The following COX19 variants were observed in gnomAD, a reference collection of about 807,000 sequenced individuals.
COX19 encodes the protein cytochrome c oxidase assembly factor COX19, also known as cytochrome c oxidase assembly protein COX19.
A neutral mutation model predicts 6.8 loss-of-function variants in COX19; 8 were observed. The observed-to-expected ratio is 1.18, with a 90% CI of 0.69 to 2.12. COX19 has a LOEUF of 2.12. COX19 is among the 30% of genes most tolerant of loss of function. COX19 has a pLI of 0.00. For missense variants in COX19, 131 were observed against 104.6 expected (o/e 1.25, Z -1.10); for synonymous variants, 51 against 38.0 (o/e 1.34, Z -1.26).
intron 1 of COX19, 141 bp from the exon 2 acceptor site, chr7:973,433 G>A: frequency 8.7e-7 from 1 of 1,146,954 alleles, no homozygotes; most frequent in Non-Finnish European, 1.1e-6. Flanking sequence ...TGTAATCCCA[G>A]CACTCTGAGA....
At chr7:969,934 CT>C (rs1344821285) in intron 2 of COX19, among the ~76,000 whole-genome samples, 4 of 150,808 alleles carry the variant, frequency 2.7e-5, no homozygotes, top group Non-Finnish European at 5.9e-5. Flanking sequence ...GGAACTGAGA[CT>C]CAGGTCGACA....
rs900522793 is a variant in COX19 at position 965,863 on chromosome 7, T to C, written c.*3515A>G. On this transcript the variant is annotated 3_prime_UTR_variant, in exon 3 of 3. Transcript: ENST00000344111. ...CATGTTGGCCAGGCTGGCCTTGAAC[T>C]CCTGGCCTCAAGTGATCTGCCTGCC... is the stretch of plus-strand genomic sequence containing the variant. Among the ~76,000 whole-genome samples the C allele has an allele frequency of 1.3e-5, 2 of 152,216 alleles. No homozygotes were observed. Among genetic ancestry groups the C allele is most frequent in the African/African-American group, 4.8e-5 (2 of 41,454 alleles).
In COX19 at chr7:971,866, G is replaced by A. The variant is rs376888564; in HGVS notation, c.194+1315C>T. Among the ~76,000 whole-genome samples the A allele has an allele frequency of 2.4e-3, 369 of 152,238 alleles. 1 individual carries two copies. Among genetic ancestry groups the A allele is most frequent in the African/African-American group, 8.2e-3 (341 of 41,544 alleles). ...AGCCCAGGCGACAGAGTGAGACTCCGTCTCAAAAAAATAATAAAAATAAAA... is the reference window on the plus strand; with the variant it reads ...AGCCCAGGCGACAGAGTGAGACTCCATCTCAAAAAAATAATAAAAATAAAA... On this transcript the variant is annotated intron_variant, in intron 2 of 2. Coordinates refer to ENST00000344111, the MANE Select transcript of COX19 (RefSeq NM_001031617.3).
intron 2 of COX19, among the ~76,000 whole-genome samples, chr7:970,921 C>A (rs762493352): frequency 6.6e-6 from 1 of 152,112 alleles, no homozygotes; most frequent in Non-Finnish European, 1.5e-5. Context: ...ATCTTAGAGG[C>A]GTGAAATTCA....
At position 975,478 on chromosome 7, in the gene COX19, C is replaced by T. The variant is rs1285250297; in HGVS notation, c.32G>A (p.Ser11Asn). 4.4e-6 allele frequency: 7 copies of T among 1,603,108 alleles called. No homozygotes were observed. Among genetic ancestry groups the T allele is most frequent in the East Asian group, 2.3e-5 (1 of 43,578 alleles). Residue 11 changes from serine (S) to asparagine (N), a missense_variant, in exon 1 of 3, where the codon AGC becomes AAC. Ser to Asn is a conservative substitution (Grantham distance 46). Transcript: ENST00000344111. MSTAMNFGTK[S>N]FQPRPPDKGS... Reference sequence around the variant, plus strand: ...CTTGTCCGGGGGCCGCGGCTGGAAGCTCTTGGTCCCGAAATTCATGGCGGT... The same window carrying T: ...CTTGTCCGGGGGCCGCGGCTGGAAGTTCTTGGTCCCGAAATTCATGGCGGT...
Position 969,331 on chromosome 7 carries a change from G to T in COX19, c.*47C>A. On this transcript the variant is annotated 3_prime_UTR_variant, in exon 3 of 3. Transcript: ENST00000344111. The stretch of plus-strand genomic sequence containing the variant: ...CCTAAGAGGCAGGATGATGCCCTCC[G>T]TCCTGAGAGACCACTGAACACGGCC... 8.3e-7 allele frequency: 1 copy of T among 1,204,692 alleles called. No individual in the cohort carries two copies. The highest frequency in any genetic ancestry group is 1.2e-6 in the Non-Finnish European group (1 of 806,482). 74.6% of individuals were successfully genotyped at this position (1,204,692 alleles called of 1,614,324 possible).
rs762008789 is a variant in COX19 at position 969,347 on chromosome 7, G to C, written c.*31C>G. The C allele has an allele frequency of 1.1e-5, 15 of 1,427,360 alleles. No individual in the cohort carries two copies. The highest frequency in any genetic ancestry group is 2.0e-6 in the Non-Finnish European group (2 of 1,010,238). 88.4% of individuals were successfully genotyped at this position (1,427,360 alleles called of 1,614,324 possible). Reference sequence around the variant, plus strand: ...ATGCCCTCCGTCCTGAGAGACCACTGAACACGGCCCAGGGGTCTTCTCATC... The same window carrying C: ...ATGCCCTCCGTCCTGAGAGACCACTCAACACGGCCCAGGGGTCTTCTCATC... On this transcript the variant is annotated 3_prime_UTR_variant, in exon 3 of 3. Coordinates refer to ENST00000344111, the MANE Select transcript of COX19 (RefSeq NM_001031617.3).
rs1014295723 is a variant in COX19, at chr7:965,048, T to C, written c.*4330A>G. Among the ~76,000 whole-genome samples, 2 of 152,192 alleles carry C rather than the reference T, an allele frequency of 1.3e-5. No homozygotes were observed. Among genetic ancestry groups the C allele is most frequent in the African/African-American group, 4.8e-5 (2 of 41,444 alleles). ...AGACCCAGAAACTCAAAGGCAGCGT[T>C]GGGAAGCCACTGCACGTTTGTAAGG... On this transcript the variant is annotated 3_prime_UTR_variant, in exon 3 of 3. Transcript: ENST00000344111.
Position 975,468 on chromosome 7 carries a change from C to T in COX19, c.42G>A (p.Pro14=). Reference sequence around the variant, plus strand: ...GGAAGCTGCCCTTGTCCGGGGGCCGCGGCTGGAAGCTCTTGGTCCCGAAAT... The same window carrying T: ...GGAAGCTGCCCTTGTCCGGGGGCCGTGGCTGGAAGCTCTTGGTCCCGAAAT... ...AMNFGTKSFQ[P]RPPDKGSFPL... Residue 14 remains proline (P), a synonymous_variant, in exon 1 of 3, where the codon CCG becomes CCA. Transcript: ENST00000344111. 1.2e-6 allele frequency: 2 copies of T among 1,602,298 alleles called. No homozygotes were observed. Among genetic ancestry groups the T allele is most frequent in the Non-Finnish European group, 1.7e-6 (2 of 1,175,868 alleles).
At position 967,770 on chromosome 7, in the gene COX19, CTT is replaced by C. The variant is rs1847579591; in HGVS notation, c.*1606_*1607del. Reference sequence around the variant, plus strand: ...CTATGCCCATCAGTTCCAGCTCCTCCTTCTGGATTTCTCGTTTGTAGTTTCCT... The same window carrying C: ...CTATGCCCATCAGTTCCAGCTCCTCCCTGGATTTCTCGTTTGTAGTTTCCT... On this transcript the variant is annotated 3_prime_UTR_variant, in exon 3 of 3. Transcript: ENST00000344111. 6.6e-6 allele frequency: 1 copy of C among 152,370 alleles called. No homozygotes were observed. Among genetic ancestry groups the C allele is most frequent in the African/African-American group, 2.4e-5 (1 of 41,472 alleles). 9.4% of individuals were successfully genotyped at this position (152,370 alleles called of 1,614,324 possible).
chr7:969,956 A>ATAT (rs1847612965), intron 2 of COX19, among the ~76,000 whole-genome samples: 1 of 117,558 alleles, frequency 8.5e-6, no homozygotes, highest in African/African-American at 3.3e-5. Context: ...GTTATCTGAT[A>ATAT]TTTTTTTTTT....
Position 969,212 on chromosome 7 carries a change from G to A in COX19, c.*166C>T, listed in dbSNP as rs1039349133. 7.4e-5 allele frequency: 47 copies of A among 631,100 alleles called. No individual in the cohort carries two copies. Among genetic ancestry groups the A allele is most frequent in the Middle Eastern group, 4.0e-4 (1 of 2,514 alleles). 39.1% of individuals were successfully genotyped at this position (631,100 alleles called of 1,614,324 possible). On this transcript the variant is annotated 3_prime_UTR_variant, in exon 3 of 3. Transcript: ENST00000344111. ...CAGAAACACCCTCCTAAGGGAAAACGGGACGCCACTCCCTACCCAGGAGAC... is the reference window on the plus strand; with the variant it reads ...CAGAAACACCCTCCTAAGGGAAAACAGGACGCCACTCCCTACCCAGGAGAC...
chr7:970,512 G>A lies in COX19; in HGVS notation c.195-1056C>T, dbSNP rs564251722. Among the ~76,000 whole-genome samples the A allele has an allele frequency of 2.2e-4, 31 of 143,910 alleles. No individual in the cohort carries two copies. In the East Asian group the frequency reaches 5.5e-3, roughly 26 times the overall value. The allele number at this position is 143,910 out of a possible 152,430, so 94.4% of individuals were successfully genotyped here. A position where few individuals can be genotyped will look rare whatever the true frequency, so the allele number is the denominator to read the frequency against. On this transcript the variant is annotated intron_variant, in intron 2 of 2. Coordinates refer to ENST00000344111, the MANE Select transcript of COX19 (RefSeq NM_001031617.3). ...GGCTGGAGTGCAGCGGCATGATCTC[G>A]GCTCACTACAACCTCCACCTCCCGG...
chr7:970,090 C>A (rs1318965907), intron 2 of COX19, among the ~76,000 whole-genome samples: 1 of 152,040 alleles, frequency 6.6e-6, no homozygotes, highest in Non-Finnish European at 1.5e-5. Context: ...CCCGCCTCAG[C>A]CTCCTGGGTA....
At position 965,557 on chromosome 7, in the gene COX19, T is replaced by C. The variant is rs1847539637; in HGVS notation, c.*3821A>G. Among the ~76,000 whole-genome samples, 1 of 152,156 alleles carries C rather than the reference T, an allele frequency of 6.6e-6. No individual in the cohort carries two copies. The highest frequency in any genetic ancestry group is 2.1e-4 in the South Asian group (1 of 4,828). ...CTGCCGTTCTGCTGTGACATGACTG[T>C]CTCCTCGGAGGTCACTATGCATCTC... On this transcript the variant is annotated 3_prime_UTR_variant, in exon 3 of 3. Transcript: ENST00000344111.
intron 2 of COX19, among the ~76,000 whole-genome samples, chr7:969,877 C>G (rs1170113487): frequency 6.6e-6 from 1 of 152,132 alleles, no homozygotes; most frequent in Non-Finnish European, 1.5e-5. Flanking sequence ...CTGCCACTGT[C>G]CACGGCACCC....
In COX19 at chr7:969,294, G is replaced by A. The variant is rs1847602922; in HGVS notation, c.*84C>T. ...CCCATTTCTAAGGACACCACACGCA[G>A]GCCTCAGCCAACCTAAGAGGCAGGA... On this transcript the variant is annotated 3_prime_UTR_variant, in exon 3 of 3. Coordinates refer to ENST00000344111, the MANE Select transcript of COX19 (RefSeq NM_001031617.3). 3 of 855,050 alleles carry A rather than the reference G, an allele frequency of 3.5e-6. No individual in the cohort carries two copies. The highest frequency in any genetic ancestry group is 2.4e-5 in the East Asian group (1 of 41,404). The allele number at this position is 855,050 out of a possible 1,614,324, so 53.0% of individuals were successfully genotyped here. A position where few individuals can be genotyped will look rare whatever the true frequency, so the allele number is the denominator to read the frequency against.
chr7:973,197 C>A lies in COX19; in HGVS notation c.178G>T (p.Glu60Ter). 6.3e-7 allele frequency: 1 copy of A among 1,598,692 alleles called. No individual in the cohort carries two copies. Among genetic ancestry groups the A allele is most frequent in the Non-Finnish European group, 8.5e-7 (1 of 1,173,172 alleles). The change falls in exon 2 of 3, where the codon GAA (glutamate) becomes TAA (stop). Residue 60 changes from glutamate (E) to a stop codon, truncating the protein, a stop_gained. Transcript: ENST00000344111. LOFTEE classifies it high-confidence loss of function. ...LCRKESKEYL[E>*]CRMERKLMLQ... The stretch of plus-strand genomic sequence containing the variant: ...TGTACTCACCTCTCCATCCTGCATT[C>A]TAAATATTCTTTTGATTCCTTTCTG...
intron 2 of COX19, among the ~76,000 whole-genome samples, chr7:970,439 ATT>A (rs1171573366): frequency 8.3e-5 from 10 of 121,200 alleles, no homozygotes; most frequent in African/African-American, 6.5e-5. Flanking sequence ...CGGCCAGCTA[ATT>A]TTTTTTTTTT....
Sources: gnomAD v4.1 joint callset for allele counts (sites outside exome capture counted in the v4.1 genomes callset) on GRCh38, gnomAD v4.1.1 for gene constraint, MANE v1.5 for transcripts, NCBI Gene and HGNC (gene_info 2026-07-23, HGNC 2026-07-21) for gene names.